SNX29: variants seen among roughly 807,000 people sequenced by gnomAD.
SNX29 encodes sorting nexin 29.
A neutral mutation model predicts 102.1 loss-of-function variants in SNX29; 78 were observed. That is an observed-to-expected ratio of 0.76 (90% CI 0.64 to 0.92). The LOEUF (loss-of-function observed/expected upper bound fraction) is 0.92. Among genes scored for constraint, SNX29 ranks in the 40% least tolerant of loss-of-function variants. SNX29 has a pLI of 0.00. For synonymous variants in SNX29, 580 were observed against 414.5 expected (o/e 1.40, Z -4.85); for missense variants, 1,280 against 1,061.7 (o/e 1.21, Z -2.86).
In SNX29 at chr16:12,571,463, A is replaced by T. The variant is rs1008111530; in HGVS notation, c.*2834A>T. 2.4e-5 allele frequency: 6 copies of T among 247,698 alleles called. 1 individual carries two copies. Among genetic ancestry groups the T allele is most frequent in the African/African-American group, 1.3e-4 (6 of 45,442 alleles). 15.3% of individuals were successfully genotyped at this position (247,698 alleles called of 1,614,324 possible). On this transcript the variant is annotated 3_prime_UTR_variant, in exon 21 of 21. Coordinates refer to ENST00000566228, the MANE Select transcript of SNX29 (RefSeq NM_032167.5). ...TTTTCAAACAACATCTGAGAACAGA[A>T]GCCCCCTCCCCTACTCAGAGAGGAA...
chr16:11,978,390 G>A (rs923426438), intron 1 of SNX29, among the ~76,000 whole-genome samples: 3 of 152,226 alleles, frequency 2.0e-5, no homozygotes, highest in Non-Finnish European at 4.4e-5. Flanking sequence ...TTATTTAAGA[G>A]TAAGTTCTCG....
intron 18 of SNX29, among the ~76,000 whole-genome samples, chr16:12,412,049 T>C (rs1166120241): frequency 1.3e-5 from 2 of 152,114 alleles, no homozygotes; most frequent in Non-Finnish European, 2.9e-5. Flanking sequence ...CTAAGGTACC[T>C]GGCACCTGGT....
chr16:12,539,206 C>G (rs545289165), intron 20 of SNX29, among the ~76,000 whole-genome samples: 1 of 152,194 alleles, frequency 6.6e-6, no homozygotes, highest in African/African-American at 2.4e-5. Flanking sequence ...GAGTAACCAC[C>G]ATCACCGTCA....
chr16:12,193,021 G>C (rs998862329), intron 13 of SNX29, among the ~76,000 whole-genome samples: 3 of 152,130 alleles, frequency 2.0e-5, no homozygotes, highest in African/African-American at 7.2e-5. Flanking sequence ...TTTTTGTAGA[G>C]ATGTGATCTT....
In SNX29 at chr16:12,573,162, TAGA is replaced by T. The variant is rs2079223051; in HGVS notation, c.*4536_*4538del. 1 of 226,290 alleles carries T rather than the reference TAGA, an allele frequency of 4.4e-6. No individual in the cohort carries two copies. Among genetic ancestry groups the T allele is most frequent in the Non-Finnish European group, 8.8e-6 (1 of 113,808 alleles). 14.0% of individuals were successfully genotyped at this position (226,290 alleles called of 1,614,324 possible). A position where few individuals can be genotyped will look rare whatever the true frequency, so the allele number is the denominator to read the frequency against. ...AATAAAGCTTCAGCTCCTTGGTCAA[TAGA>T]AGTAAGGGTGTAGCCATCCAGGGTC... On this transcript the variant is annotated 3_prime_UTR_variant, in exon 21 of 21. Coordinates refer to ENST00000566228, the MANE Select transcript of SNX29 (RefSeq NM_032167.5).
intron 19 of SNX29, among the ~76,000 whole-genome samples, chr16:12,518,021 A>C (rs181627748): frequency 9.2e-5 from 14 of 152,298 alleles, no homozygotes; most frequent in Admixed American, 9.2e-4. Context: ...GGAGAAGGTG[A>C]CGTGAAGAGA....
chr16:12,280,678 C>T (rs8063836), intron 15 of SNX29, among the ~76,000 whole-genome samples: 9,045 of 152,172 alleles, frequency 0.059, 907 homozygotes, highest in African/African-American at 0.21. Context: ...CAGGTTCTGC[C>T]GGTGATCTTT....
intron 13 of SNX29, among the ~76,000 whole-genome samples, chr16:12,174,784 C>T (rs926912684): frequency 3.3e-5 from 5 of 152,148 alleles, no homozygotes; most frequent in Non-Finnish European, 5.9e-5. Context: ...GGATCTGTGC[C>T]ATGTGGCTTG....
intron 18 of SNX29, among the ~76,000 whole-genome samples, chr16:12,455,968 G>T (rs559058296): frequency 6.6e-6 from 1 of 152,098 alleles, no homozygotes; most frequent in East Asian, 1.9e-4. Flanking sequence ...CTTGGTTCTT[G>T]CCCTCAAGGA....
intron 20 of SNX29, among the ~76,000 whole-genome samples, chr16:12,560,594 C>T (rs1471751276): frequency 2.0e-5 from 3 of 152,312 alleles, no homozygotes; most frequent in South Asian, 2.1e-4. Context: ...CTGTACCTCT[C>T]ATAAAGCAGC....
intron 13 of SNX29, among the ~76,000 whole-genome samples, chr16:12,160,797 C>G (rs762589052): frequency 4.6e-5 from 7 of 152,186 alleles, no homozygotes. Flanking sequence ...CACTTAAAAA[C>G]GTAACTTCAT....
chr16:12,421,480 T>C (rs2084868292), intron 18 of SNX29, among the ~76,000 whole-genome samples: 1 of 152,204 alleles, frequency 6.6e-6, no homozygotes, highest in Non-Finnish European at 1.5e-5. Context: ...TTCCTAGATC[T>C]TTCTTGATTT....
intron 13 of SNX29, among the ~76,000 whole-genome samples, chr16:12,184,522 T>C (rs1392283452): frequency 1.3e-5 from 2 of 152,228 alleles, no homozygotes; most frequent in East Asian, 3.8e-4. Context: ...AGTTCCGATT[T>C]ACCTTGTAAA....
intron 14 of SNX29, among the ~76,000 whole-genome samples, chr16:12,209,856 G>A (rs769609358): frequency 2.6e-5 from 4 of 152,152 alleles, no homozygotes; most frequent in African/African-American, 9.7e-5. Flanking sequence ...TGTTGTTGTC[G>A]AGCCTGAAGA....
intron 16 of SNX29, among the ~76,000 whole-genome samples, chr16:12,368,469 G>T (rs2082567556): frequency 6.6e-6 from 1 of 152,178 alleles, no homozygotes; most frequent in Non-Finnish European, 1.5e-5. Flanking sequence ...ACTGTGTTTT[G>T]TGTGGCCACT....
At chr16:12,025,925 A>G (rs2057177959) in intron 3 of SNX29, among the ~76,000 whole-genome samples, 1 of 152,350 alleles carries the variant, frequency 6.6e-6, no homozygotes, top group African/African-American at 2.4e-5. Flanking sequence ...GAGGTCACGT[A>G]AATGTCAGCC....
At chr16:12,550,519 A>T (rs2077904258) in intron 20 of SNX29, among the ~76,000 whole-genome samples, 1 of 142,544 alleles carries the variant, frequency 7.0e-6, no homozygotes, top group South Asian at 2.5e-4. Context: ...TGGGAGACAC[A>T]GTCTCAATCT....
chr16:12,013,413 T>A (rs76019796), intron 3 of SNX29, among the ~76,000 whole-genome samples: 1 of 135,816 alleles, frequency 7.4e-6, no homozygotes, highest in Non-Finnish European at 1.6e-5. Flanking sequence ...GGAGGCTGAG[T>A]GGGGGACAGA....
chr16:12,535,217 C>T (rs1309152603), intron 20 of SNX29, among the ~76,000 whole-genome samples: 2 of 152,228 alleles, frequency 1.3e-5, no homozygotes, highest in Non-Finnish European at 2.9e-5. Flanking sequence ...CAGCTCACTG[C>T]AACCTCTGCC....
Sources: allele counts gnomAD v4.1 joint callset (sites outside exome capture counted in the v4.1 genomes callset), GRCh38; gene constraint gnomAD v4.1.1; transcripts MANE v1.5; gene names NCBI Gene and HGNC (gene_info 2026-07-23, HGNC 2026-07-21).